The following SNRPA1 variants were observed in gnomAD, a reference collection of about 807,000 sequenced individuals.
SNRPA1 encodes the protein U2 small nuclear ribonucleoprotein A'.
A neutral mutation model predicts 32.3 loss-of-function variants in SNRPA1; 5 were observed. The observed-to-expected ratio is 0.15, with a 90% CI of 0.08 to 0.33. The LOEUF is 0.33. Ranked by LOEUF, SNRPA1 falls within the 10% of genes least tolerant of loss-of-function variation. The pLI is 1.00. For missense variants in SNRPA1, 198 were observed against 311.1 expected (o/e 0.64, Z 2.74); for synonymous variants, 111 against 120.1 (o/e 0.92, Z 0.50).
At chr15:101,285,081 G>T in intron 7 of SNRPA1, 21 bp from the exon 8 acceptor site, 1 of 1,558,104 alleles carries the variant, frequency 6.4e-7, no homozygotes, top group Non-Finnish European at 8.9e-7. Context: ...GAGGGCAATG[G>T]AGATGGATGA....
rs61752834 is a variant in SNRPA1 at position 101,287,650 on chromosome 15, C to T, written c.356+6G>A. The T allele has an allele frequency of 0.35, 569,757 of 1,607,326 alleles. 102,589 individuals carry two copies. The highest frequency in any genetic ancestry group is 0.45 in the Admixed American group (26,806 of 59,894). ...TTCATTTTGTCACAATATGTAATTC[C>T]CATACCTTAGGTAAGTCAGCGATTT... On this transcript the variant is annotated splice_donor_region_variant and intron_variant, in intron 4 of 8. Transcript: ENST00000254193.
chr15:101,291,396 T>C (rs1244342542), intron 3 of SNRPA1, among the ~76,000 whole-genome samples: 1 of 152,238 alleles, frequency 6.6e-6, no homozygotes, highest in African/African-American at 2.4e-5. Flanking sequence ...AGATATGTAA[T>C]CTAAAATTTT....
At chr15:101,293,424 A>G (rs1364154527) in intron 1 of SNRPA1, 7 of 309,080 alleles carry the variant, frequency 2.3e-5, no homozygotes, top group Admixed American at 5.0e-5. Context: ...GACAATAACA[A>G]TGGCTGATAT....
chr15:101,287,597 T>A (rs1391984947), intron 4 of SNRPA1, 59 bp downstream of exon 4: 9 of 1,392,240 alleles, frequency 6.5e-6, no homozygotes, highest in Non-Finnish European at 7.2e-6. Flanking sequence ...AGGTCAAGGC[T>A]GGTAAAAGTA....
intron 5 of SNRPA1, 32 bp downstream of exon 5, chr15:101,286,876 T>C: frequency 8.9e-7 from 1 of 1,128,216 alleles, no homozygotes; most frequent in Non-Finnish European, 1.3e-6. Context: ...CACAACTCTA[T>C]AATGGCTCAC....
At chr15:101,286,332 A>C in intron 5 of SNRPA1, 39 bp from the exon 6 acceptor site, 1 of 1,568,606 alleles carries the variant, frequency 6.4e-7, no homozygotes. Context: ...GGAAATAGGA[A>C]TACCACATGC....
intron 8 of SNRPA1, among the ~76,000 whole-genome samples, chr15:101,283,674 C>T (rs530849110): frequency 4.2e-4 from 63 of 149,096 alleles, no homozygotes; most frequent in African/African-American, 1.4e-3. Flanking sequence ...TGGCTGGGCA[C>T]GGGGCTCACG....
intron 1 of SNRPA1, 120 bp downstream of exon 1, chr15:101,294,977 T>C (rs751694708): frequency 8.7e-6 from 5 of 577,298 alleles, no homozygotes; most frequent in Non-Finnish European, 1.4e-5. Flanking sequence ...CGCAGCCCGG[T>C]CGGAGCCCAG....
rs146011754 is a variant in SNRPA1, at chr15:101,285,195, G to A, written c.616-135C>T. ...GGAACATTAAATACTTTGGTGTAGG[G>A]GGAAGAATGTTATTGGCCCACAAAA... On this transcript the variant is annotated intron_variant, in intron 7 of 8. Coordinates refer to ENST00000254193, the MANE Select transcript of SNRPA1 (RefSeq NM_003090.4). The A allele has an allele frequency of 8.8e-4, 534 of 607,020 alleles. 2 individuals are homozygous for A. The highest frequency in any genetic ancestry group is 8.5e-3 in the African/African-American group (460 of 54,058). 37.6% of individuals were successfully genotyped at this position (607,020 alleles called of 1,614,324 possible).
intron 7 of SNRPA1, 105 bp downstream of exon 7, chr15:101,285,621 G>T: frequency 1.3e-6 from 1 of 773,352 alleles, no homozygotes; most frequent in Non-Finnish European, 2.2e-6. Context: ...GCTAATAACT[G>T]TGGGAAAATG....
intron 8 of SNRPA1, 138 bp downstream of exon 8, chr15:101,284,829 T>G (rs2039436847): frequency 2.8e-6 from 2 of 704,340 alleles, no homozygotes; most frequent in African/African-American, 1.8e-5. Context: ...TCAAAGAGCA[T>G]TTAAAGAGAT....
chr15:101,285,004 C>T lies in SNRPA1; in HGVS notation c.672G>A (p.Leu224=). ...LAEVERLKGL[L]QSGQIPGRER... is the part of the protein sequence containing the mutation. ...CTCTGCCAGGGATCTGACCAGACTG[C>T]AGCAACCCCTTCAGCCTCTCCACTT... The change falls in exon 8 of 9, where the codon CTG becomes CTA. Residue 224 remains leucine, a synonymous_variant. Coordinates refer to ENST00000254193, the MANE Select transcript of SNRPA1 (RefSeq NM_003090.4). The T allele has an allele frequency of 6.2e-7, 1 of 1,613,942 alleles. No homozygotes were observed. The highest frequency in any genetic ancestry group is 1.1e-5 in the South Asian group (1 of 91,088).
intron 3 of SNRPA1, chr15:101,289,972 T>C (rs574282708): frequency 2.3e-5 from 3 of 132,820 alleles, no homozygotes; most frequent in African/African-American, 8.8e-5. Flanking sequence ...AAGAGAGAAA[T>C]CTAAACTACA....
rs1443545247 is a variant in SNRPA1 at position 101,293,149 on chromosome 15, T to G, written c.106A>C (p.Asn36His). Reference sequence around the variant, plus strand: ...AACTGGTCTAACGTAGCACCTAGATTTTCAATGACGGGAATTTTATACCCT... The same window carrying G: ...AACTGGTCTAACGTAGCACCTAGATGTTCAATGACGGGAATTTTATACCCT... ...LRGYKIPVIE[N>H]LGATLDQFDA... is the part of the protein sequence containing the mutation. The change falls in exon 2 of 9, where the codon AAT becomes CAT. Residue 36 changes from asparagine to histidine, a missense_variant. Coordinates refer to ENST00000254193, the MANE Select transcript of SNRPA1 (RefSeq NM_003090.4). 1 of 1,609,730 alleles carries G rather than the reference T, an allele frequency of 6.2e-7. No homozygotes were observed. Among genetic ancestry groups the G allele is most frequent in the East Asian group, 2.2e-5 (1 of 44,806 alleles).
rs773545952 is a variant in SNRPA1, at chr15:101,293,159, G to A, written c.96C>T (p.Pro32=). The A allele has an allele frequency of 1.2e-6, 2 of 1,606,508 alleles. No homozygotes were observed. The highest frequency in any genetic ancestry group is 1.7e-6 in the Non-Finnish European group (2 of 1,175,556). The change falls in exon 2 of 9, where the codon CCC becomes CCT. Residue 32 remains proline, a synonymous_variant. Coordinates refer to ENST00000254193, the MANE Select transcript of SNRPA1 (RefSeq NM_003090.4). ...ACGTAGCACCTAGATTTTCAATGAC[G>A]GGAATTTTATACCCTATAAAATGGA... ...RELDLRGYKI[P]VIENLGATLD...
chr15:101,293,854 CAGAGCTGT>C (rs1223403912), intron 1 of SNRPA1, among the ~76,000 whole-genome samples: 1 of 152,224 alleles, frequency 6.6e-6, no homozygotes, highest in East Asian at 1.9e-4. Context: ...GGACACAATT[CAGAGCTGT>C]ACTACACGTA....
intron 3 of SNRPA1, 89 bp downstream of exon 3, chr15:101,291,873 C>A: frequency 1.3e-6 from 1 of 786,774 alleles, no homozygotes; most frequent in South Asian, 1.7e-5. Context: ...ATACTGAGAT[C>A]ATTTTCTAGA....
chr15:101,288,727 G>C (rs948329928), intron 3 of SNRPA1, among the ~76,000 whole-genome samples: 16 of 152,322 alleles, frequency 1.1e-4, no homozygotes, highest in Non-Finnish European at 1.8e-4. Flanking sequence ...AAGGCTTGCA[G>C]GGTGACGGCC....
At chr15:101,282,284 A>G (rs930381564) in intron 8 of SNRPA1, among the ~76,000 whole-genome samples, 1 of 152,262 alleles carries the variant, frequency 6.6e-6, no homozygotes, top group African/African-American at 2.4e-5. Context: ...GGGAAAAAAA[A>G]GTTGTAACTC....
Sources: allele counts gnomAD v4.1 joint callset (sites outside exome capture counted in the v4.1 genomes callset), GRCh38; gene constraint gnomAD v4.1.1; transcripts MANE v1.5; gene names NCBI Gene and HGNC (gene_info 2026-07-23, HGNC 2026-07-21).